The following TRPM1 variants were observed in gnomAD, a reference collection of about 807,000 sequenced individuals.
TRPM1 encodes the protein transient receptor potential cation channel subfamily M member 1, also known as TRPM1-203 APA Isoform, Intron 10.
In TRPM1, 113 loss-of-function variants were observed where a neutral mutation model predicts 149.4. The observed-to-expected ratio is 0.76, with a 90% confidence interval of 0.65 to 0.88. The LOEUF (loss-of-function observed/expected upper bound fraction) is 0.88. Ranked by LOEUF, TRPM1 falls within the 40% of genes least tolerant of loss-of-function variation. TRPM1 has a pLI of 0.00. For synonymous variants in TRPM1, 741 were observed against 759.5 expected (o/e 0.98, Z 0.40); for missense variants, 1,976 against 2,038.7 (o/e 0.97, Z 0.59).
intron 12 of TRPM1, 131 bp from the exon 13 acceptor site, chr15:31,049,640 C>T: frequency 1.9e-6 from 2 of 1,049,354 alleles, no homozygotes; most frequent in Non-Finnish European, 2.9e-6. Context: ...GTACTCTTTG[C>T]TCTTTATCTT....
In TRPM1 at chr15:31,029,401, G is replaced by A. The variant is rs749423513; in HGVS notation, c.3128-10C>T. 1.1e-5 allele frequency: 18 copies of A among 1,613,542 alleles called. No homozygotes were observed. The highest frequency in any genetic ancestry group is 3.3e-5 in the Admixed American group (2 of 60,002). On this transcript the variant is annotated splice_polypyrimidine_tract_variant and intron_variant, in intron 23 of 27. Transcript: ENST00000256552. ...ATTTCCATGGCGTAGACTACATGAC[G>A]ATTGGAAAGCAGGATTTTTGTTTTG...
intron 27 of TRPM1, among the ~76,000 whole-genome samples, chr15:31,005,210 T>C (rs2141104021): frequency 6.6e-6 from 1 of 152,296 alleles, no homozygotes. Flanking sequence ...CACATTGCCC[T>C]AGTCAAACTT....
chr15:31,136,262 T>C (rs2036086905), intron 1 of TRPM1, among the ~76,000 whole-genome samples: 1 of 152,134 alleles, frequency 6.6e-6, no homozygotes, highest in African/African-American at 2.4e-5. Flanking sequence ...AGGAGGTGTC[T>C]GGAGGCGGAG....
intron 1 of TRPM1, among the ~76,000 whole-genome samples, chr15:31,094,092 A>C (rs546962904): frequency 2.6e-5 from 4 of 152,342 alleles, no homozygotes; most frequent in African/African-American, 9.6e-5. Flanking sequence ...CAAAGGTGCT[A>C]AGACCATTCA....
At chr15:31,033,660 G>A (rs745930715) in intron 21 of TRPM1, among the ~76,000 whole-genome samples, 12 of 152,180 alleles carry the variant, frequency 7.9e-5, no homozygotes, top group Non-Finnish European at 1.3e-4. Flanking sequence ...GTGGCTATCT[G>A]TCAGCCCACA....
chr15:31,040,316 T>G lies in TRPM1; in HGVS notation c.2118A>C (p.Leu706Phe), dbSNP rs755812157. 6.2e-7 allele frequency: 1 copy of G among 1,614,184 alleles called. No homozygotes were observed. The highest frequency in any genetic ancestry group is 1.1e-5 in the South Asian group (1 of 91,080). Reference sequence around the variant, plus strand: ...GCTCGTCATGCTTATAGGACTGGTCTAATAACTCCAAAGCAAGCTGGCCGA... The same window carrying G: ...GCTCGTCATGCTTATAGGACTGGTCGAATAACTCCAAAGCAAGCTGGCCGA... Reference protein sequence around the residue: ...KDFGQLALELLDQSYKHDEQI... With the variant: ...KDFGQLALELFDQSYKHDEQI... The change falls in exon 18 of 28, where the codon TTA becomes TTC. Residue 706 changes from leucine (L) to phenylalanine (F), a missense_variant. Physicochemically the swap from Leu to Phe is conservative, Grantham distance 22. Transcript: ENST00000256552. This position sits in a 1 kb window ranked among gnomAD's most constrained non-coding sequence, Gnocchi z 4.2.
chr15:31,081,469 A>C (rs2034856968), intron 1 of TRPM1, 31 bp from the exon 2 acceptor site: 2 of 1,392,904 alleles, frequency 1.4e-6, no homozygotes, highest in Admixed American at 2.0e-5. Context: ...AGTAAGAGTC[A>C]CTTTGCCTGC....
At chr15:31,077,048 C>G (rs1042094711) in intron 2 of TRPM1, 64 bp from the exon 3 acceptor site, 5 of 1,088,732 alleles carry the variant, frequency 4.6e-6, no homozygotes, top group Non-Finnish European at 5.6e-6. Context: ...AGAGTCCATT[C>G]TTATACCTTT....
chr15:31,080,651 C>A (rs1416780104), intron 2 of TRPM1, among the ~76,000 whole-genome samples: 1 of 116,788 alleles, frequency 8.6e-6, no homozygotes. Flanking sequence ...TCGTCCTCGA[C>A]CCCGCCCCCT....
rs142284672 is a variant in TRPM1 at position 31,085,114 on chromosome 15, G to A, written c.-83-3676C>T. 1.4e-3 allele frequency among the ~76,000 whole-genome samples: 214 copies of A among 152,148 alleles called. 1 individual carries two copies. Among genetic ancestry groups the A allele is most frequent in the African/African-American group, 4.8e-3 (200 of 41,490 alleles). Reference sequence around the variant, plus strand: ...TTTTTCTTTAATTTCTTCATTGTCCGTGTTGTGTTTTTAATTTTCTAAAGA... The same window carrying A: ...TTTTTCTTTAATTTCTTCATTGTCCATGTTGTGTTTTTAATTTTCTAAAGA... On this transcript the variant is annotated intron_variant, in intron 1 of 27. Transcript: ENST00000256552.
chr15:31,026,388 C>T, intron 26 of TRPM1, 117 bp from the exon 27 acceptor site: 1 of 1,216,218 alleles, frequency 8.2e-7, no homozygotes, highest in East Asian at 2.5e-5. Flanking sequence ...ACTCCTAAGG[C>T]AGTTCGCCAC....
At position 31,047,914 on chromosome 15, in the gene TRPM1, T is replaced by A; in HGVS notation, c.1598A>T (p.His533Leu). Residue 533 changes from histidine to leucine, a missense_variant, in exon 14 of 28, where the codon CAT (histidine) becomes CTT (leucine). By Grantham distance (99) the His-to-Leu change is moderately conservative (BLOSUM62 -3). Around this residue, in one of 3 missense-constraint regions of TRPM1, gnomAD observed 1,332 missense variants for 1,347.1 expected, o/e 0.99. Transcript: ENST00000256552. ...NTRLGPPNTL[H>L]LLVRDVKKSN... ...CTTTTTCACATCCCTCACCAGCAGA[T>A]GAAGTGTGTTTGGTGGACCCAGTCT... 1 of 1,614,032 alleles carries A rather than the reference T, an allele frequency of 6.2e-7. No homozygotes were observed. The highest frequency in any genetic ancestry group is 8.5e-7 in the Non-Finnish European group (1 of 1,179,856).
chr15:31,112,786 C>T (rs1222628706), intron 1 of TRPM1, among the ~76,000 whole-genome samples: 1 of 152,162 alleles, frequency 6.6e-6, no homozygotes. Flanking sequence ...CCTGTATTTT[C>T]CTCTTGGAGA....
At chr15:31,029,752 C>G (rs1485840256) in intron 23 of TRPM1, among the ~76,000 whole-genome samples, 1 of 152,110 alleles carries the variant, frequency 6.6e-6, no homozygotes, top group Non-Finnish European at 1.5e-5. Flanking sequence ...TATTCCAACA[C>G]AAACACCTCA....
chr15:31,108,020 G>C (rs1278006238), intron 1 of TRPM1, among the ~76,000 whole-genome samples: 1 of 151,994 alleles, frequency 6.6e-6, no homozygotes, highest in Non-Finnish European at 1.5e-5. Flanking sequence ...CCCATGCCTA[G>C]CTAATTTTTG....
At chr15:31,123,955 G>A (rs2035911820) in intron 1 of TRPM1, among the ~76,000 whole-genome samples, 1 of 152,166 alleles carries the variant, frequency 6.6e-6, no homozygotes. Flanking sequence ...CCTTCAATGG[G>A]TACATGCAGT....
chr15:31,127,429 A>G (rs770376047), intron 1 of TRPM1, among the ~76,000 whole-genome samples: 30 of 152,244 alleles, frequency 2.0e-4, no homozygotes, highest in Non-Finnish European at 4.4e-4. Context: ...AGGCTCAGAC[A>G]GGGGAATTCA....
chr15:31,050,325 T>G, intron 12 of TRPM1, 84 bp downstream of exon 12: 1 of 1,601,172 alleles, frequency 6.2e-7, no homozygotes, highest in Non-Finnish European at 8.5e-7. Context: ...GGGCCCTGGG[T>G]GGGACTGAAG....
At position 31,037,855 on chromosome 15, in the gene TRPM1, G is replaced by C. The variant is rs751355642; in HGVS notation, c.2440-13C>G. The stretch of plus-strand genomic sequence containing the variant: ...CTGCATTTGCATCCTGGAAAACAGA[G>C]CACAGCACATGACAGGCAGGTGGCT... On this transcript the variant is annotated splice_polypyrimidine_tract_variant and intron_variant, in intron 19 of 27. Transcript: ENST00000256552. 9 of 1,614,092 alleles carry C rather than the reference G, an allele frequency of 5.6e-6. No homozygotes were observed. The highest frequency in any genetic ancestry group is 1.7e-5 in the Admixed American group (1 of 60,022).
Sources: gnomAD v4.1 joint callset for allele counts (sites outside exome capture counted in the v4.1 genomes callset) on GRCh38, gnomAD v4.1.1 for gene constraint, gnomAD v4.1.1 regional missense constraint, Gnocchi (gnomAD v3.1) non-coding constraint, MANE v1.5 for transcripts, NCBI Gene and HGNC (gene_info 2026-07-23, HGNC 2026-07-21) for gene names.